The following DPP6 variants were observed in gnomAD, a reference collection of about 807,000 sequenced individuals.
The protein encoded by DPP6 is A-type potassium channel modulatory protein DPP6.
Under a neutral mutation model 122.6 loss-of-function variants are expected in DPP6, and 69 were observed. The ratio of observed to expected loss-of-function variants is 0.56; its 90% CI spans 0.46 to 0.69. The LOEUF (loss-of-function observed/expected upper bound fraction) is 0.69, where lower values mean the gene tolerates loss of function less well. Among genes scored for constraint, DPP6 ranks in the 30% least tolerant of loss-of-function variants. The probability of loss-of-function intolerance (pLI) is 0.00; values close to 1 mark genes in which losing one functional copy is unlikely to be tolerated. For missense variants in DPP6, 928 were observed against 1,116.9 expected (o/e 0.83, Z 2.41); for synonymous variants, 418 against 433.1 (o/e 0.97, Z 0.43).
intron 1 of DPP6, among the ~76,000 whole-genome samples, chr7:154,157,032 TATA>T (rs1481474542): frequency 6.6e-6 from 1 of 152,264 alleles, no homozygotes; most frequent in Non-Finnish European, 1.5e-5. Context: ...ATTTAAAAGA[TATA>T]CCCTCACTGG....
At chr7:154,364,024 C>G (rs898872990) in intron 1 of DPP6, among the ~76,000 whole-genome samples, 20 of 152,166 alleles carry the variant, frequency 1.3e-4, no homozygotes, top group Admixed American at 2.6e-4. Flanking sequence ...CTGTCCAGCC[C>G]TTTGCTTGGG....
chr7:154,214,366 A>G (rs960296253), intron 1 of DPP6, among the ~76,000 whole-genome samples: 9 of 152,246 alleles, frequency 5.9e-5, no homozygotes, highest in Non-Finnish European at 7.3e-5. Context: ...ATGGGTTCTC[A>G]TGACCTCTGA....
intron 3 of DPP6, among the ~76,000 whole-genome samples, chr7:154,478,535 G>A (rs1220806073): frequency 6.6e-6 from 1 of 151,478 alleles, no homozygotes; most frequent in Non-Finnish European, 1.5e-5. Flanking sequence ...TTAAGCTCTA[G>A]GCTAAATGAT....
At chr7:154,063,654 T>G (rs6951965) in intron 1 of DPP6, among the ~76,000 whole-genome samples, 3 of 60,698 alleles carry the variant, frequency 4.9e-5, no homozygotes, top group African/African-American at 1.6e-4. Flanking sequence ...CTCTTCCCCC[T>G]CTGGCGCTTA....
chr7:153,936,352 C>G (rs1445564290), intron 1 of DPP6, among the ~76,000 whole-genome samples: 3 of 152,220 alleles, frequency 2.0e-5, no homozygotes, highest in East Asian at 3.9e-4. Flanking sequence ...ATGGCTGGAG[C>G]GGCCAGGATG....
chr7:154,691,826 C>T (rs201517833), intron 7 of DPP6, among the ~76,000 whole-genome samples: 20 of 142,314 alleles, frequency 1.4e-4, no homozygotes, highest in Non-Finnish European at 2.6e-4. Flanking sequence ...CTCAAAAAAA[C>T]AAATAAATAA....
chr7:154,660,951 G>A (rs1399832989), intron 6 of DPP6, among the ~76,000 whole-genome samples: 5 of 115,588 alleles, frequency 4.3e-5, no homozygotes, highest in African/African-American at 1.7e-4. Context: ...TATAGTCATG[G>A]TGAATCACCA....
At chr7:154,717,337 A>C (rs1029782225) in intron 7 of DPP6, among the ~76,000 whole-genome samples, 1 of 151,958 alleles carries the variant, frequency 6.6e-6, no homozygotes, top group African/African-American at 2.4e-5. Flanking sequence ...CTTCTACCTC[A>C]TTGTAACATT....
At chr7:154,786,012 T>G (rs1041490708) in intron 10 of DPP6, among the ~76,000 whole-genome samples, 2 of 152,156 alleles carry the variant, frequency 1.3e-5, no homozygotes, top group Admixed American at 1.3e-4. Flanking sequence ...TTGTCTGGAC[T>G]ACTTTTTCCA....
chr7:154,009,099 A>T (rs1403285798), intron 1 of DPP6, among the ~76,000 whole-genome samples: 1 of 100,472 alleles, frequency 1.0e-5, no homozygotes, highest in East Asian at 2.6e-4. Context: ...CTATAAGTTG[A>T]TGAGGACCTT....
At chr7:154,775,571 C>A (rs1202267738) in intron 10 of DPP6, among the ~76,000 whole-genome samples, 4 of 152,104 alleles carry the variant, frequency 2.6e-5, no homozygotes, top group Non-Finnish European at 5.9e-5. Context: ...ATAAGGGAAC[C>A]AGTGAGCTCT....
At chr7:154,417,994 A>G (rs1817169219) in intron 1 of DPP6, among the ~76,000 whole-genome samples, 1 of 152,244 alleles carries the variant, frequency 6.6e-6, no homozygotes, top group African/African-American at 2.4e-5. Flanking sequence ...TCACTTTGAT[A>G]AACAATTACC....
intron 1 of DPP6, among the ~76,000 whole-genome samples, chr7:154,286,001 A>ATAC (rs1804822998): frequency 6.6e-6 from 1 of 152,234 alleles, no homozygotes; most frequent in Non-Finnish European, 1.5e-5. Context: ...TCCCTGTCAT[A>ATAC]CTGAAATATA....
intron 5 of DPP6, among the ~76,000 whole-genome samples, chr7:154,634,554 GT>G (rs919055440): frequency 9.2e-5 from 14 of 152,100 alleles, no homozygotes; most frequent in African/African-American, 3.4e-4. Context: ...ATACATTTTG[GT>G]TTTGATTTGG....
chr7:154,666,361 G>A (rs183045690), intron 6 of DPP6, among the ~76,000 whole-genome samples: 61 of 142,356 alleles, frequency 4.3e-4, no homozygotes, highest in African/African-American at 1.6e-3. Flanking sequence ...TAGTTTTGGG[G>A]GGTTTTATAA....
intron 20 of DPP6, 168 bp downstream of exon 20, chr7:154,876,268 C>A: frequency 8.4e-7 from 1 of 1,191,390 alleles, no homozygotes; most frequent in Non-Finnish European, 1.1e-6. Flanking sequence ...TCAAAGGAAA[C>A]TTAGGAATCT....
chr7:154,656,844 G>A (rs1315524251), intron 6 of DPP6, among the ~76,000 whole-genome samples: 2 of 143,352 alleles, frequency 1.4e-5, no homozygotes, highest in East Asian at 2.2e-4. Flanking sequence ...GGGTGGAGAG[G>A]CTGTGTGGGA....
chr7:154,785,314 C>T (rs1247516693), intron 10 of DPP6, among the ~76,000 whole-genome samples: 2 of 152,158 alleles, frequency 1.3e-5, no homozygotes, highest in African/African-American at 4.8e-5. Context: ...ACACTTTCTC[C>T]TGATATATAC....
chr7:154,804,665 T>C (rs190650828), intron 14 of DPP6, among the ~76,000 whole-genome samples: 1 of 152,334 alleles, frequency 6.6e-6, no homozygotes, highest in East Asian at 1.9e-4. Context: ...CAGTACCCTC[T>C]GGCCACGAAG....
Sources: allele counts gnomAD v4.1 joint callset (sites outside exome capture counted in the v4.1 genomes callset), GRCh38; gene constraint gnomAD v4.1.1; transcripts MANE v1.5; gene names NCBI Gene and HGNC (gene_info 2026-07-23, HGNC 2026-07-21).